Variants in CTSZ observed in about 807,000 individuals in gnomAD.
CTSZ encodes the protein carboxypeptidase LB.
In CTSZ, 39 loss-of-function variants were observed where a neutral mutation model predicts 32.4. The ratio of observed to expected loss-of-function variants is 1.20; its 90% CI spans 0.93 to 1.57. The LOEUF is 1.57. CTSZ is among the 40% of genes most tolerant of loss of function. The pLI is 0.00. For synonymous variants in CTSZ, 168 were observed against 170.1 expected, an observed-to-expected ratio of 0.99 and a Z score of 0.10; for missense variants, 397 against 419.6, an observed-to-expected ratio of 0.95 and a Z score of 0.47.
intron 2 of CTSZ, among the ~76,000 whole-genome samples, chr20:59,003,793 A>T (rs1156451942): frequency 6.6e-6 from 1 of 152,058 alleles, no homozygotes; most frequent in Non-Finnish European, 1.5e-5. Context: ...CAGGGGAGCA[A>T]GGGCGGACTG....
At position 59,007,077 on chromosome 20, in the gene CTSZ, C is replaced by A. The variant is rs1225063145; in HGVS notation, c.52G>T (p.Ala18Ser). 8 of 1,459,546 alleles carry A rather than the reference C, an allele frequency of 5.5e-6. No homozygotes were observed. Among genetic ancestry groups the A allele is most frequent in the Non-Finnish European group, 7.2e-6 (8 of 1,111,542 alleles). 90.4% of individuals were successfully genotyped at this position (1,459,546 alleles called of 1,614,324 possible). The change falls in exon 1 of 6, where the codon GCG becomes TCG. Residue 18 changes from alanine (A) to serine (S), a missense_variant. Ala to Ser is a moderately conservative substitution (Grantham distance 99, BLOSUM62 1). Coordinates refer to ENST00000217131, the MANE Select transcript of CTSZ (RefSeq NM_001336.4). ...TAGAGGCCGCCCTGCGCCGCGCCCG[C>A]CAGCAGCACGAGCAGCAGAAGCGGC... ...WRPLLLLVLL[A>S]GAAQGGLYFR... is the part of the protein sequence containing the mutation.
At chr20:58,997,392 T>C (rs2091866149) in intron 4 of CTSZ, 1 of 421,826 alleles carries the variant, frequency 2.4e-6, no homozygotes, top group Admixed American at 4.3e-5. Flanking sequence ...ACTGAAGTTC[T>C]TAGAGGGGAA....
intron 4 of CTSZ, 103 bp from the exon 5 acceptor site, chr20:58,996,904 T>G: frequency 2.2e-6 from 3 of 1,338,652 alleles, no homozygotes; most frequent in Non-Finnish European, 3.1e-6. Context: ...CGCCTGTAAT[T>G]CCAGCACTTT....
In CTSZ at chr20:58,995,409, ACTT is replaced by A; in HGVS notation, c.*237_*239del. 1 of 446,050 alleles carries A rather than the reference ACTT, an allele frequency of 2.2e-6. No homozygotes were observed. Among genetic ancestry groups the A allele is most frequent in the South Asian group, 4.8e-5 (1 of 20,864 alleles). The allele number at this position is 446,050 out of a possible 1,614,324, so 27.6% of individuals were successfully genotyped here. ...CCCATCGTTTCCTGTGTCGCAGGTC[ACTT>A]CTTCACCAGGTGGCTGACTGCATCA... is the stretch of plus-strand genomic sequence containing the variant. On this transcript the variant is annotated 3_prime_UTR_variant, in exon 6 of 6. Transcript: ENST00000217131.
At chr20:59,006,936 G>A (rs1197412717) in intron 1 of CTSZ, 50 bp downstream of exon 1, 9 of 1,347,896 alleles carry the variant, frequency 6.7e-6, no homozygotes, top group East Asian at 6.2e-5. Flanking sequence ...CGCCTGGCCC[G>A]GGCGATGGGC....
Position 58,995,238 on chromosome 20 carries a change from A to G in CTSZ, c.*411T>C. 1 of 165,532 alleles carries G rather than the reference A, an allele frequency of 6.0e-6. No homozygotes were observed. Among genetic ancestry groups the G allele is most frequent in the Non-Finnish European group, 1.3e-5 (1 of 76,996 alleles). 10.3% of individuals were successfully genotyped at this position (165,532 alleles called of 1,614,324 possible). On this transcript the variant is annotated 3_prime_UTR_variant, in exon 6 of 6. Transcript: ENST00000217131. Reference sequence around the variant, plus strand: ...TCACTTGGGCGATTTGAAACTGCCAACTCCCTCCCTCCCTCCCCCACCCTT... The same window carrying G: ...TCACTTGGGCGATTTGAAACTGCCAGCTCCCTCCCTCCCTCCCCCACCCTT...
intron 3 of CTSZ, 52 bp downstream of exon 3, chr20:59,001,413 A>G (rs1192811918): frequency 6.4e-7 from 1 of 1,553,118 alleles, no homozygotes; most frequent in African/African-American, 1.4e-5. Context: ...AGGCCTGTGG[A>G]AGAGGGAGTG....
chr20:58,996,897 C>T, intron 4 of CTSZ, 96 bp from the exon 5 acceptor site: 3 of 1,398,684 alleles, frequency 2.1e-6, no homozygotes, highest in Non-Finnish European at 2.9e-6. Flanking sequence ...TGGCTCACGC[C>T]TGTAATTCCA....
In CTSZ at chr20:59,002,503, T is replaced by G. The variant is rs1345131073; in HGVS notation, c.308-859A>C. On this transcript the variant is annotated intron_variant, in intron 2 of 5. Transcript: ENST00000217131. This position sits in a 1 kb window ranked among gnomAD's most constrained non-coding sequence, Gnocchi z 4.1. ...CACCTGTCCCTCCCCCAGGGCACAATGAGCAGGGAGTCCCTCTGCCCATTG... is the reference window on the plus strand; with the variant it reads ...CACCTGTCCCTCCCCCAGGGCACAAGGAGCAGGGAGTCCCTCTGCCCATTG... Among the ~76,000 whole-genome samples the G allele has an allele frequency of 6.6e-6, 1 of 152,016 alleles. No homozygotes were observed. The highest frequency in any genetic ancestry group is 1.5e-5 in the Non-Finnish European group (1 of 67,976).
Position 58,995,571 on chromosome 20 carries a change from G to T in CTSZ, c.*78C>A. Reference sequence around the variant, plus strand: ...CACCCCAGTTCCTGCCAGCCAGCCTGGCACACATAACCATAGGATCCCCTC... The same window carrying T: ...CACCCCAGTTCCTGCCAGCCAGCCTTGCACACATAACCATAGGATCCCCTC... On this transcript the variant is annotated 3_prime_UTR_variant, in exon 6 of 6. Transcript: ENST00000217131. 1 of 1,349,896 alleles carries T rather than the reference G, an allele frequency of 7.4e-7. No individual in the cohort carries two copies. Among genetic ancestry groups the T allele is most frequent in the South Asian group, 1.2e-5 (1 of 82,710 alleles). The allele number at this position is 1,349,896 out of a possible 1,614,324, so 83.6% of individuals were successfully genotyped here.
chr20:58,995,593 C>T lies in CTSZ; in HGVS notation c.*56G>A, dbSNP rs1601221728. On this transcript the variant is annotated 3_prime_UTR_variant, in exon 6 of 6. Coordinates refer to ENST00000217131, the MANE Select transcript of CTSZ (RefSeq NM_001336.4). ...CCTGGCACACATAACCATAGGATCC[C>T]CTCTGGTCATGGGTCACCATGCCTT... The T allele has an allele frequency of 2.0e-6, 3 of 1,515,578 alleles. No homozygotes were observed. Among genetic ancestry groups the T allele is most frequent in the Middle Eastern group, 1.7e-4 (1 of 5,808 alleles). 93.9% of individuals were successfully genotyped at this position (1,515,578 alleles called of 1,614,324 possible).
At chr20:59,006,625 A>C in intron 1 of CTSZ, 140 bp from the exon 2 acceptor site, 2 of 877,824 alleles carry the variant, frequency 2.3e-6, no homozygotes, top group South Asian at 3.4e-5. Flanking sequence ...GAGGTGAGCC[A>C]GGTGTGGGCC....
rs933165286 is a variant in CTSZ at position 59,007,220 on chromosome 20, G to A, written c.-92C>T. The A allele has an allele frequency of 3.0e-5, 36 of 1,206,674 alleles. No homozygotes were observed. The highest frequency in any genetic ancestry group is 3.6e-5 in the Non-Finnish European group (35 of 977,970). The allele number at this position is 1,206,674 out of a possible 1,614,324, so 74.7% of individuals were successfully genotyped here. A position where few individuals can be genotyped will look rare whatever the true frequency, so the allele number is the denominator to read the frequency against. ...CCGCTCTGGATCCCGCCCCGGCCTC[G>A]GCCTCGGCCCAGCACCCGGCCGACC... On this transcript the variant is annotated 5_prime_UTR_variant, in exon 1 of 6. Transcript: ENST00000217131.
Position 58,998,833 on chromosome 20 carries a change from G to A in CTSZ, c.488-1080C>T, listed in dbSNP as rs1056328112. Among the ~76,000 whole-genome samples the A allele has an allele frequency of 3.3e-5, 5 of 152,198 alleles. No individual in the cohort carries two copies. The East Asian group carries it at 9.6e-4, about 29-fold the overall frequency. Reference sequence around the variant, plus strand: ...GGCCTGCCATTCGCTGCTTTGGCGCGACCTGTCTGTCATAGTTACACATCT... The same window carrying A: ...GGCCTGCCATTCGCTGCTTTGGCGCAACCTGTCTGTCATAGTTACACATCT... On this transcript the variant is annotated intron_variant, in intron 3 of 5. Transcript: ENST00000217131.
Position 58,997,765 on chromosome 20 carries a change from C to A in CTSZ, c.488-12G>T. On this transcript the variant is annotated splice_polypyrimidine_tract_variant and intron_variant, in intron 3 of 5. Coordinates refer to ENST00000217131, the MANE Select transcript of CTSZ (RefSeq NM_001336.4). ...AAACTTGTCACACTCTGGGGGAGAGCAAGAAAAGTCAGCATGAGGCCGTCT... is the reference window on the plus strand; with the variant it reads ...AAACTTGTCACACTCTGGGGGAGAGAAAGAAAAGTCAGCATGAGGCCGTCT... 1 of 1,582,268 alleles carries A rather than the reference C, an allele frequency of 6.3e-7. No homozygotes were observed. Among genetic ancestry groups the A allele is most frequent in the Non-Finnish European group, 8.6e-7 (1 of 1,164,454 alleles).
At position 58,995,555 on chromosome 20, in the gene CTSZ, TC is replaced by T. The variant is rs1305570845; in HGVS notation, c.*93del. ...ATCCAATATTGATAGCCACCCCAGT[TC>T]CTGCCAGCCAGCCTGGCACACATAA... On this transcript the variant is annotated 3_prime_UTR_variant, in exon 6 of 6. Transcript: ENST00000217131. 118 of 1,163,788 alleles carry T rather than the reference TC, an allele frequency of 1.0e-4. No individual in the cohort carries two copies. The highest frequency in any genetic ancestry group is 1.4e-4 in the Non-Finnish European group (114 of 787,364). The allele number at this position is 1,163,788 out of a possible 1,614,324, so 72.1% of individuals were successfully genotyped here. A position where few individuals can be genotyped will look rare whatever the true frequency, so the allele number is the denominator to read the frequency against.
chr20:59,002,060 C>T lies in CTSZ; in HGVS notation c.308-416G>A, dbSNP rs1311684398. Reference sequence around the variant, plus strand: ...GAGAGACCGTCCCTGCCCTCGTGGACAGGGGGCCAAGGTGTCAGCTCTGTG... The same window carrying T: ...GAGAGACCGTCCCTGCCCTCGTGGATAGGGGGCCAAGGTGTCAGCTCTGTG... On this transcript the variant is annotated intron_variant, in intron 2 of 5. Transcript: ENST00000217131. This position sits in a 1 kb window ranked among gnomAD's most constrained non-coding sequence, Gnocchi z 4.1. Among the ~76,000 whole-genome samples, 2 of 152,348 alleles carry T rather than the reference C, an allele frequency of 1.3e-5. No homozygotes were observed. Among genetic ancestry groups the T allele is most frequent in the East Asian group, 1.9e-4 (1 of 5,184 alleles).
rs2091902730 is a variant in CTSZ at position 59,004,811 on chromosome 20, A to T, written c.307+1511T>A. ...CTGGGTGCGCTGAGAAGGAGGTTTC[A>T]GGAGAAAGTGGGGTGAAGCAGTCAT... On this transcript the variant is annotated intron_variant, in intron 2 of 5. Transcript: ENST00000217131. The surrounding 1 kb of genome is among the most constrained non-coding windows in gnomAD (Gnocchi z 5.6). Among the ~76,000 whole-genome samples the T allele has an allele frequency of 6.6e-6, 1 of 152,020 alleles. No homozygotes were observed. The highest frequency in any genetic ancestry group is 2.4e-5 in the African/African-American group (1 of 41,392).
intron 1 of CTSZ, 84 bp downstream of exon 1, chr20:59,006,902 A>G: frequency 1.7e-6 from 2 of 1,190,362 alleles, no homozygotes; most frequent in Non-Finnish European, 2.2e-6. Flanking sequence ...TTGGCGACGC[A>G]GGGCCCCCAG....
Sources: gnomAD v4.1 joint callset for allele counts (sites outside exome capture counted in the v4.1 genomes callset) on GRCh38, gnomAD v4.1.1 for gene constraint, Gnocchi (gnomAD v3.1) non-coding constraint, MANE v1.5 for transcripts, NCBI Gene and HGNC (gene_info 2026-07-23, HGNC 2026-07-21) for gene names.